The following AFF3 variants were observed in gnomAD, a reference collection of about 807,000 sequenced individuals.
AFF3 encodes the protein ALF transcription elongation factor 3.
A neutral mutation model predicts 129.7 loss-of-function variants in AFF3; 32 were observed. The observed-to-expected ratio is 0.25, with a 90% confidence interval of 0.19 to 0.33. The LOEUF is 0.33. AFF3 is among the 10% of genes least tolerant of loss of function. The pLI is 1.00. For synonymous variants in AFF3, 644 were observed against 635.4 expected (o/e 1.01, Z -0.20); for missense variants, 1,373 against 1,592.0 (o/e 0.86, Z 2.34).
rs112677518 is a variant in AFF3 at position 99,618,893 on chromosome 2, GATTCATTC to G, written c.1185-17280_1185-17273del. ...TGCAAAGCTACAGATAGCTCTGATC[GATTCATTC>G]ATTCATTCATTCATTCATTCATTCA... is the stretch of plus-strand genomic sequence containing the variant. On this transcript the variant is annotated intron_variant, in intron 13 of 24. Coordinates refer to ENST00000672756, the MANE Select transcript of AFF3 (RefSeq NM_001386135.1). Among the ~76,000 whole-genome samples, 91 of 149,960 alleles carry G rather than the reference GATTCATTC, an allele frequency of 6.1e-4. 2 individuals carry two copies. Among genetic ancestry groups the G allele is most frequent in the East Asian group, 4.0e-4 (2 of 5,024 alleles).
intron 7 of AFF3, among the ~76,000 whole-genome samples, chr2:99,854,181 G>A (rs1159252312): frequency 6.6e-6 from 1 of 150,474 alleles, no homozygotes; most frequent in Non-Finnish European, 1.5e-5. Flanking sequence ...AGGAATATCT[G>A]CCAAACACTT....
At chr2:100,029,709 A>C (rs1013100785) in intron 4 of AFF3, among the ~76,000 whole-genome samples, 5 of 152,232 alleles carry the variant, frequency 3.3e-5, no homozygotes, top group Admixed American at 3.3e-4. Flanking sequence ...TCAGTTTTGC[A>C]AAATGAAGAG....
At chr2:99,822,347 G>T (rs1252585565) in intron 8 of AFF3, among the ~76,000 whole-genome samples, 2 of 150,718 alleles carry the variant, frequency 1.3e-5, no homozygotes, top group Non-Finnish European at 3.0e-5. Context: ...GGTTGGGGGT[G>T]GGTTTGGGGT....
intron 7 of AFF3, among the ~76,000 whole-genome samples, chr2:99,922,435 T>C (rs1298332694): frequency 2.6e-5 from 4 of 152,160 alleles, no homozygotes; most frequent in Non-Finnish European, 5.9e-5. Context: ...ATCTCCAAAA[T>C]ATTAGTACTG....
At chr2:100,016,947 A>G (rs1167765491) in intron 4 of AFF3, among the ~76,000 whole-genome samples, 6 of 140,402 alleles carry the variant, frequency 4.3e-5, no homozygotes, top group Non-Finnish European at 7.8e-5. Context: ...ACGGTAGTGA[A>G]GTTGATGGTG....
At chr2:99,756,680 T>C (rs546622027) in intron 8 of AFF3, among the ~76,000 whole-genome samples, 3 of 152,330 alleles carry the variant, frequency 2.0e-5, no homozygotes, top group Admixed American at 1.3e-4. Context: ...TTCCTGACAC[T>C]GTATTCCTCC....
chr2:100,094,074 C>A (rs1690088879), intron 4 of AFF3, among the ~76,000 whole-genome samples: 1 of 152,194 alleles, frequency 6.6e-6, no homozygotes, highest in Non-Finnish European at 1.5e-5. Context: ...AGAGCTGTAT[C>A]CTCCTTTAAG....
chr2:99,561,323 G>A (rs992981189), intron 20 of AFF3, among the ~76,000 whole-genome samples: 4 of 152,136 alleles, frequency 2.6e-5, no homozygotes, highest in African/African-American at 9.7e-5. Flanking sequence ...TGTTATCATC[G>A]CACTATCTCC....
intron 7 of AFF3, among the ~76,000 whole-genome samples, chr2:99,939,873 T>G (rs1302751073): frequency 6.6e-6 from 1 of 152,228 alleles, no homozygotes; most frequent in Non-Finnish European, 1.5e-5. Context: ...TTTAAAGTTT[T>G]AAGAGTACCT....
intron 15 of AFF3, among the ~76,000 whole-genome samples, chr2:99,589,195 C>T (rs1678411559): frequency 6.6e-6 from 1 of 152,138 alleles, no homozygotes; most frequent in Admixed American, 6.5e-5. Flanking sequence ...AATAGCCACA[C>T]TCATTCCCAG....
intron 7 of AFF3, among the ~76,000 whole-genome samples, chr2:99,936,195 T>C (rs1368924496): frequency 6.6e-6 from 1 of 152,152 alleles, no homozygotes; most frequent in African/African-American, 2.4e-5. Flanking sequence ...GGATCTCAGT[T>C]GGCTGGTACG....
At position 99,594,042 on chromosome 2, in the gene AFF3, G is replaced by T. The variant is rs1318427184; in HGVS notation, c.1619C>A (p.Pro540His). The T allele has an allele frequency of 1.2e-6, 2 of 1,609,962 alleles. No individual in the cohort carries two copies. The highest frequency in any genetic ancestry group is 1.7e-6 in the Non-Finnish European group (2 of 1,177,472). ...EQRPRTANKA[P>H]GSKGVKQKSP... ...CTTCTGCTTCACGCCTTTACTCCCA[G>T]GGGCCTTGTTGGCTGTCCTTGGCCT... The change falls in exon 15 of 25, where the codon CCT becomes CAT. Residue 540 changes from proline (P) to histidine (H), a missense_variant. Physicochemically the swap from Pro to His is moderately conservative, Grantham distance 77. This residue lies in a region of AFF3 where 413 missense variants were observed against 424.4 expected (regional missense o/e 0.97). Coordinates refer to ENST00000672756, the MANE Select transcript of AFF3 (RefSeq NM_001386135.1).
At chr2:99,775,017 A>G (rs1456127185) in intron 8 of AFF3, among the ~76,000 whole-genome samples, 1 of 152,254 alleles carries the variant, frequency 6.6e-6, no homozygotes, top group Non-Finnish European at 1.5e-5. Flanking sequence ...TCATTAGAGA[A>G]ATGCAAATCA....
rs750332079 is a variant in AFF3, at chr2:99,833,808, T to C, written c.921+3669A>G. Among the ~76,000 whole-genome samples the C allele has an allele frequency of 2.1e-4, 32 of 152,202 alleles. 1 individual carries two copies. Among genetic ancestry groups the C allele is most frequent in the Non-Finnish European group, 4.1e-4 (28 of 68,038 alleles). The stretch of plus-strand genomic sequence containing the variant: ...TGGAAAACTGCCTGTTACAAACATA[T>C]GTCAGCCATGAAGCCTTCTAGCCCT... On this transcript the variant is annotated intron_variant, in intron 8 of 24. Coordinates refer to ENST00000672756, the MANE Select transcript of AFF3 (RefSeq NM_001386135.1).
chr2:99,903,611 A>G (rs558118084), intron 7 of AFF3, among the ~76,000 whole-genome samples: 2 of 152,316 alleles, frequency 1.3e-5, no homozygotes, highest in East Asian at 3.9e-4. Flanking sequence ...GTTTAAGATA[A>G]ATAAAATCAG....
intron 8 of AFF3, among the ~76,000 whole-genome samples, chr2:99,789,758 AAGTTAC>A (rs1685066617): frequency 6.6e-6 from 1 of 152,216 alleles, no homozygotes; most frequent in South Asian, 2.1e-4. Flanking sequence ...CTTCCATGGG[AAGTTAC>A]AGACCTAACT....
intron 4 of AFF3, among the ~76,000 whole-genome samples, chr2:100,079,680 C>A (rs965514032): frequency 2.0e-5 from 3 of 152,166 alleles, no homozygotes; most frequent in Non-Finnish European, 1.5e-5. Flanking sequence ...TTCCCCAGCT[C>A]ATAACCACTT....
At chr2:100,026,248 G>C (rs150600733) in intron 4 of AFF3, among the ~76,000 whole-genome samples, 1 of 151,010 alleles carries the variant, frequency 6.6e-6, no homozygotes, top group African/African-American at 2.4e-5. Context: ...GACATGAATA[G>C]ACAATTCTCA....
At chr2:99,774,778 A>C (rs1683760153) in intron 8 of AFF3, among the ~76,000 whole-genome samples, 1 of 152,244 alleles carries the variant, frequency 6.6e-6, no homozygotes, top group African/African-American at 2.4e-5. Flanking sequence ...CTGTACAGCA[A>C]AAGAAACTAC....
Sources: allele counts gnomAD v4.1 joint callset (sites outside exome capture counted in the v4.1 genomes callset), GRCh38; gene constraint gnomAD v4.1.1; regional missense constraint gnomAD v4.1.1; transcripts MANE v1.5; gene names NCBI Gene and HGNC (gene_info 2026-07-23, HGNC 2026-07-21).